SGK1: variants seen among roughly 807,000 people sequenced by gnomAD.
SGK1 encodes the protein serum/glucocorticoid regulated kinase 1.
In SGK1, 26 loss-of-function variants were observed where a neutral mutation model predicts 64.2. That is an observed-to-expected ratio of 0.40 (90% CI 0.30 to 0.56). SGK1 has a LOEUF of 0.56. Among genes scored for constraint, SGK1 ranks in the 20% least tolerant of loss-of-function variants. The pLI, the probability that SGK1 is intolerant of heterozygous loss-of-function variation, is 0.38. For synonymous variants in SGK1, 265 were observed against 239.7 expected, an observed-to-expected ratio of 1.11 and a Z score of -0.98; for missense variants, 519 against 645.6, an observed-to-expected ratio of 0.80 and a Z score of 2.12.
intron 1 of SGK1, among the ~76,000 whole-genome samples, chr6:134,288,167 C>T (rs1777214041): frequency 6.6e-6 from 1 of 152,180 alleles, no homozygotes; most frequent in African/African-American, 2.4e-5. Context: ...TAAGCTAAAA[C>T]AGGAGCAACT....
intron 1 of SGK1, among the ~76,000 whole-genome samples, chr6:134,301,531 T>TCTTCTCTTC (rs1777454108): frequency 3.6e-5 from 5 of 139,126 alleles, no homozygotes; most frequent in South Asian, 2.4e-4. Context: ...CTTTTCTCTT[T>TCTTCTCTTC]TCTTCTCTTC....
At chr6:134,241,053 T>TTTC (rs1554223737) in intron 2 of SGK1, among the ~76,000 whole-genome samples, 17 of 28,028 alleles carry the variant, frequency 6.1e-4, no homozygotes, top group African/African-American at 9.1e-4. Flanking sequence ...TTTTTCTTTT[T>TTTC]TTTTTTTTTT....
At chr6:134,179,608 C>T (rs1401147789) in intron 3 of SGK1, among the ~76,000 whole-genome samples, 1 of 150,118 alleles carries the variant, frequency 6.7e-6, no homozygotes, top group African/African-American at 2.5e-5. Context: ...TTTATAGACA[C>T]AGGTTGTATA....
At chr6:134,288,765 T>C (rs1392164215) in intron 1 of SGK1, among the ~76,000 whole-genome samples, 1 of 152,236 alleles carries the variant, frequency 6.6e-6, no homozygotes, top group East Asian at 1.9e-4. Context: ...TTCTTTGTGA[T>C]ACGTTTTCTA....
chr6:134,186,745 T>C (rs1457199629), intron 3 of SGK1, among the ~76,000 whole-genome samples: 2 of 152,112 alleles, frequency 1.3e-5, no homozygotes, highest in African/African-American at 4.8e-5. Flanking sequence ...TTGACCTTAA[T>C]CACAGGACAT....
intron 1 of SGK1, among the ~76,000 whole-genome samples, chr6:134,279,164 G>A (rs1473607051): frequency 6.6e-6 from 1 of 152,172 alleles, no homozygotes; most frequent in African/African-American, 2.4e-5. Context: ...GGGAGCAGTG[G>A]CTCATGCATG....
At chr6:134,301,865 G>A (rs948488335) in intron 1 of SGK1, among the ~76,000 whole-genome samples, 21 of 152,120 alleles carry the variant, frequency 1.4e-4, no homozygotes, top group African/African-American at 4.6e-4. Flanking sequence ...CCAAAGCACT[G>A]GGATTATTGG....
chr6:134,219,630 C>T (rs1562255025), intron 2 of SGK1, among the ~76,000 whole-genome samples: 1 of 149,460 alleles, frequency 6.7e-6, no homozygotes, highest in Admixed American at 6.7e-5. Flanking sequence ...CGTAGTGGCG[C>T]ATGCCTGTAA....
chr6:134,234,723 A>G (rs1239625879), intron 2 of SGK1, among the ~76,000 whole-genome samples: 2 of 151,854 alleles, frequency 1.3e-5, no homozygotes, highest in Non-Finnish European at 2.9e-5. Context: ...CTAAAAATAC[A>G]AAATTAGCCA....
intron 2 of SGK1, among the ~76,000 whole-genome samples, chr6:134,255,121 G>A (rs894523270): frequency 2.0e-5 from 3 of 152,024 alleles, no homozygotes; most frequent in East Asian, 1.9e-4. Context: ...CACCTGCCTC[G>A]GCCTCCCAAA....
At chr6:134,226,429 G>A (rs1372466597) in intron 2 of SGK1, among the ~76,000 whole-genome samples, 1 of 151,870 alleles carries the variant, frequency 6.6e-6, no homozygotes, top group African/African-American at 2.4e-5. Context: ...GCCGAGTGCA[G>A]TGGCGCATGC....
chr6:134,174,869 C>A, intron 3 of SGK1: 1 of 1,609,556 alleles, frequency 6.2e-7, no homozygotes, highest in Non-Finnish European at 8.5e-7. Flanking sequence ...TATGCTGCGC[C>A]AGGCCGCGCG....
At chr6:134,184,504 C>CAAAAAAA (rs1162404618) in intron 3 of SGK1, among the ~76,000 whole-genome samples, 1 of 63,572 alleles carries the variant, frequency 1.6e-5, no homozygotes, top group Non-Finnish European at 2.8e-5. Flanking sequence ...GACTCCATCT[C>CAAAAAAA]AAAAAAAAAA....
intron 2 of SGK1, among the ~76,000 whole-genome samples, chr6:134,246,652 G>T (rs1031923709): frequency 1.3e-5 from 2 of 152,060 alleles, no homozygotes; most frequent in African/African-American, 4.8e-5. Context: ...GAGTGCAGTG[G>T]TGTGATCTCG....
intron 1 of SGK1, among the ~76,000 whole-genome samples, chr6:134,267,498 GC>G (rs1211439447): frequency 1.3e-5 from 2 of 151,922 alleles, no homozygotes; most frequent in Non-Finnish European, 2.9e-5. Flanking sequence ...TCATTATGTT[GC>G]CCAGGCTGGT....
intron 2 of SGK1, among the ~76,000 whole-genome samples, chr6:134,232,440 A>G: frequency 1.7e-5 from 1 of 57,320 alleles, no homozygotes; most frequent in Non-Finnish European, 4.3e-5. Context: ...AGAAAGAAAG[A>G]AAGAAAGAAA....
chr6:134,217,762 A>G (rs1004724496), intron 2 of SGK1, among the ~76,000 whole-genome samples: 1 of 152,224 alleles, frequency 6.6e-6, no homozygotes, highest in Admixed American at 6.5e-5. Flanking sequence ...CAATTGCTTA[A>G]CATTAATCAC....
intron 1 of SGK1, among the ~76,000 whole-genome samples, chr6:134,312,812 A>G (rs1332785601): frequency 6.6e-6 from 1 of 151,938 alleles, no homozygotes; most frequent in African/African-American, 2.4e-5. Flanking sequence ...TCACTCTGTC[A>G]TCCCAGCTGG....
chr6:134,317,570 G>A lies in SGK1; in HGVS notation c.-110C>T. On this transcript the variant is annotated 5_prime_UTR_variant, in exon 1 of 14. Coordinates refer to ENST00000367858, the MANE Select transcript of SGK1 (RefSeq NM_001143676.3). ...GCAGACAGTTAATGAAGACTGAGCG[G>A]GATGGAGAATCTAGCGGGGCTCAGT... 1.2e-5 allele frequency: 9 copies of A among 764,014 alleles called. No individual in the cohort carries two copies. Among genetic ancestry groups the A allele is most frequent in the Middle Eastern group, 2.3e-4 (1 of 4,268 alleles). 47.3% of individuals were successfully genotyped at this position (764,014 alleles called of 1,614,324 possible).
Sources: gnomAD v4.1 joint callset for allele counts (sites outside exome capture counted in the v4.1 genomes callset) on GRCh38, gnomAD v4.1.1 for gene constraint, MANE v1.5 for transcripts, NCBI Gene and HGNC (gene_info 2026-07-23, HGNC 2026-07-21) for gene names.